Variants in SBF2 observed in about 807,000 individuals in gnomAD.
SBF2 encodes the protein myotubularin-related protein 13.
In SBF2, 112 loss-of-function variants were observed where a neutral mutation model predicts 225.2. The ratio of observed to expected loss-of-function variants is 0.50; its 90% CI spans 0.43 to 0.58. The LOEUF is 0.58. Ranked by LOEUF, SBF2 falls within the 20% of genes least tolerant of loss-of-function variation. The pLI is 0.00. For synonymous variants in SBF2, 763 were observed against 773.3 expected (o/e 0.99, Z 0.22); for missense variants, 1,996 against 2,206.2 (o/e 0.90, Z 1.91).
At chr11:10,101,224 C>T (rs541619535) in intron 2 of SBF2, among the ~76,000 whole-genome samples, 19 of 152,240 alleles carry the variant, frequency 1.2e-4, no homozygotes, top group African/African-American at 4.6e-4. Flanking sequence ...CCAGCAACTA[C>T]CCAATGAATT....
intron 2 of SBF2, among the ~76,000 whole-genome samples, chr11:10,120,933 T>C (rs966034764): frequency 5.3e-5 from 8 of 152,072 alleles, no homozygotes; most frequent in African/African-American, 1.7e-4. Flanking sequence ...CCCGGCTAAT[T>C]TTTTATATTT....
intron 2 of SBF2, among the ~76,000 whole-genome samples, chr11:10,047,611 CCT>C (rs769363696): frequency 3.9e-5 from 6 of 152,230 alleles, no homozygotes; most frequent in Non-Finnish European, 7.4e-5. Flanking sequence ...TTGACATTTT[CCT>C]CTTTTGTACA....
intron 16 of SBF2, among the ~76,000 whole-genome samples, chr11:9,916,387 A>G (rs1016036197): frequency 1.3e-5 from 2 of 152,182 alleles, no homozygotes; most frequent in African/African-American, 2.4e-5. Context: ...ATTAATGAAA[A>G]TGTTTTTGAA....
intron 2 of SBF2, among the ~76,000 whole-genome samples, chr11:10,082,424 T>C (rs944950749): frequency 6.6e-6 from 1 of 151,936 alleles, no homozygotes; most frequent in East Asian, 1.9e-4. Flanking sequence ...TACACAACAA[T>C]GACGACAAAA....
chr11:10,015,480 T>C (rs1410522024), intron 6 of SBF2, among the ~76,000 whole-genome samples: 4 of 152,198 alleles, frequency 2.6e-5, no homozygotes, highest in African/African-American at 9.6e-5. Flanking sequence ...GGTTTCCTTC[T>C]ATCTTCAAAG....
intron 22 of SBF2, among the ~76,000 whole-genome samples, chr11:9,848,602 A>T (rs1339864996): frequency 6.6e-6 from 1 of 152,280 alleles, no homozygotes; most frequent in African/African-American, 2.4e-5. Flanking sequence ...AAATGACCAC[A>T]TAAGTATCAC....
intron 16 of SBF2, among the ~76,000 whole-genome samples, chr11:9,950,404 G>A (rs557374420): frequency 6.6e-6 from 1 of 152,248 alleles, no homozygotes; most frequent in Admixed American, 6.5e-5. Context: ...ATCTGATGAT[G>A]GGGCTCAGAA....
At chr11:10,235,204 C>T (rs1176176503) in intron 1 of SBF2, among the ~76,000 whole-genome samples, 4 of 152,154 alleles carry the variant, frequency 2.6e-5, no homozygotes, top group Non-Finnish European at 4.4e-5. Context: ...TCTAATTATA[C>T]TTCCTTTTTT....
chr11:9,840,031 G>A (rs754848290), intron 25 of SBF2, among the ~76,000 whole-genome samples: 78 of 152,192 alleles, frequency 5.1e-4, no homozygotes, highest in Non-Finnish European at 1.1e-3. Context: ...TCAGGAGTTC[G>A]AGAGCAGCCT....
intron 39 of SBF2, among the ~76,000 whole-genome samples, chr11:9,781,022 C>T (rs1851970681): frequency 6.6e-6 from 1 of 152,208 alleles, no homozygotes; most frequent in African/African-American, 2.4e-5. Flanking sequence ...TTTATAAAGC[C>T]CTGCTTGACT....
chr11:9,997,784 A>G (rs895435221), intron 9 of SBF2, among the ~76,000 whole-genome samples: 1 of 152,198 alleles, frequency 6.6e-6, no homozygotes, highest in Non-Finnish European at 1.5e-5. Context: ...TCTCAAAAAA[A>G]AAGAATGAAT....
intron 2 of SBF2, among the ~76,000 whole-genome samples, chr11:10,122,087 G>A (rs1953485083): frequency 6.6e-6 from 1 of 152,164 alleles, no homozygotes; most frequent in African/African-American, 2.4e-5. Flanking sequence ...AAGTGTAAAA[G>A]TGAAAATTCT....
intron 2 of SBF2, among the ~76,000 whole-genome samples, chr11:10,125,122 A>AG (rs1254481060): frequency 1.3e-5 from 2 of 151,366 alleles, no homozygotes; most frequent in African/African-American, 4.9e-5. Context: ...AAAAAAAAAA[A>AG]AAAAATTCTA....
intron 9 of SBF2, 93 bp from the exon 10 acceptor site, chr11:9,994,091 TAA>T: frequency 1.1e-6 from 1 of 939,584 alleles, no homozygotes; most frequent in Non-Finnish European, 1.7e-6. Context: ...ATATGAATTA[TAA>T]TATATTCCCT....
intron 32 of SBF2, among the ~76,000 whole-genome samples, chr11:9,806,158 T>C (rs538524115): frequency 1.1e-4 from 17 of 152,360 alleles, no homozygotes; most frequent in African/African-American, 4.1e-4. Flanking sequence ...CATACTTTAG[T>C]GCTATAGATG....
chr11:10,248,546 G>A (rs1488320374), intron 1 of SBF2, among the ~76,000 whole-genome samples: 1 of 152,148 alleles, frequency 6.6e-6, no homozygotes, highest in East Asian at 1.9e-4. Context: ...TTAAAATGCT[G>A]AACTTACCAA....
intron 2 of SBF2, among the ~76,000 whole-genome samples, chr11:10,099,332 C>CA (rs1952180952): frequency 6.6e-6 from 1 of 151,986 alleles, no homozygotes; most frequent in African/African-American, 2.4e-5. Flanking sequence ...TGAAAAAAAC[C>CA]ATGTGAACCA....
chr11:10,040,167 T>A (rs1949599265), intron 3 of SBF2, among the ~76,000 whole-genome samples: 1 of 152,024 alleles, frequency 6.6e-6, no homozygotes, highest in South Asian at 2.1e-4. Context: ...TGTTAGAGTG[T>A]CTTCTAGTAG....
At chr11:9,922,480 G>T (rs746505286) in intron 16 of SBF2, among the ~76,000 whole-genome samples, 1 of 151,792 alleles carries the variant, frequency 6.6e-6, no homozygotes, top group Non-Finnish European at 1.5e-5. Flanking sequence ...ATAAAAATGG[G>T]GTCTACTGCT....
Sources: gnomAD v4.1 joint callset for allele counts (sites outside exome capture counted in the v4.1 genomes callset) on GRCh38, gnomAD v4.1.1 for gene constraint, MANE v1.5 for transcripts, NCBI Gene and HGNC (gene_info 2026-07-23, HGNC 2026-07-21) for gene names.